INTS14: variants seen among roughly 807,000 people sequenced by gnomAD.
The protein encoded by INTS14 is UPF0464 protein C15orf44.
A neutral mutation model predicts 56.9 loss-of-function variants in INTS14; 27 were observed. The ratio of observed to expected loss-of-function variants is 0.47; its 90% confidence interval spans 0.35 to 0.65. The LOEUF is 0.65. INTS14 is among the 30% of genes least tolerant of loss of function. The pLI is 0.00. For synonymous variants in INTS14, 207 were observed against 236.2 expected, an observed-to-expected ratio of 0.88 and a Z score of 1.13; for missense variants, 517 against 632.2, an observed-to-expected ratio of 0.82 and a Z score of 1.95.
At chr15:65,595,900 C>A in intron 6 of INTS14, 75 bp from the exon 7 acceptor site, 1 of 1,156,988 alleles carries the variant, frequency 8.6e-7, no homozygotes, top group Non-Finnish European at 1.2e-6. Flanking sequence ...TTACATTTCA[C>A]AAATGCACTG....
At chr15:65,598,648 G>C in intron 5 of INTS14, 185 bp from the exon 6 acceptor site, 1 of 772,718 alleles carries the variant, frequency 1.3e-6, no homozygotes, top group Non-Finnish European at 2.0e-6. Context: ...CCAAGAGCAA[G>C]TTAATTTGAA....
Position 65,611,119 on chromosome 15 carries a change from A to C in INTS14, c.-84T>G. 1 of 1,535,094 alleles carries C rather than the reference A, an allele frequency of 6.5e-7. No individual in the cohort carries two copies. The highest frequency in any genetic ancestry group is 2.0e-5 in the Admixed American group (1 of 50,974). ...TCACCCCGTGCCCATCGCCGGACAC[A>C]GTCCGTCGGCATAAACTTTCCGTCG... On this transcript the variant is annotated 5_prime_UTR_variant, in exon 1 of 12. Coordinates refer to ENST00000313182, the MANE Select transcript of INTS14 (RefSeq NM_001394796.1).
intron 3 of INTS14, among the ~76,000 whole-genome samples, chr15:65,602,165 G>A (rs916074719): frequency 2.0e-5 from 3 of 152,108 alleles, no homozygotes; most frequent in Non-Finnish European, 4.4e-5. Context: ...ATTTGAGCCC[G>A]GAGGCAGAGG....
chr15:65,596,409 AAAC>A (rs2141289964), intron 6 of INTS14, among the ~76,000 whole-genome samples: 1 of 152,248 alleles, frequency 6.6e-6, no homozygotes, highest in South Asian at 2.1e-4. Flanking sequence ...AAAAACTTAA[AAAC>A]AATAAAAATT....
chr15:65,607,817 G>C (rs111308290), intron 1 of INTS14, among the ~76,000 whole-genome samples: 1 of 152,184 alleles, frequency 6.6e-6, no homozygotes, highest in Non-Finnish European at 1.5e-5. Flanking sequence ...GGTGCTATTT[G>C]ACAAACAACC....
intron 8 of INTS14, among the ~76,000 whole-genome samples, chr15:65,592,433 G>A (rs1182378979): frequency 2.0e-5 from 3 of 152,190 alleles, no homozygotes; most frequent in Non-Finnish European, 4.4e-5. Flanking sequence ...AGATGGTTTT[G>A]CAGATTTTGA....
intron 2 of INTS14, 99 bp downstream of exon 2, chr15:65,607,060 A>T: frequency 7.0e-7 from 1 of 1,424,118 alleles, no homozygotes; most frequent in Non-Finnish European, 9.4e-7. Context: ...TAGACTTATT[A>T]AATAATGCCA....
intron 7 of INTS14, 80 bp downstream of exon 7, chr15:65,595,653 G>T: frequency 8.9e-7 from 1 of 1,127,632 alleles, no homozygotes; most frequent in East Asian, 2.6e-5. Context: ...TCTGCAAAAT[G>T]GGCTATCCTA....
chr15:65,585,959 A>C (rs1229190449), intron 9 of INTS14, among the ~76,000 whole-genome samples: 1 of 152,194 alleles, frequency 6.6e-6, no homozygotes, highest in Non-Finnish European at 1.5e-5. Context: ...TCAATATATA[A>C]ACCTTCTGAG....
At chr15:65,606,252 C>CAAAAAA (rs372473798) in intron 2 of INTS14, among the ~76,000 whole-genome samples, 4,968 of 62,092 alleles carry the variant, frequency 0.08, 119 homozygotes, top group African/African-American at 0.089. Context: ...GACTCCGTCT[C>CAAAAAA]AAAAAAAAAA....
Position 65,607,487 on chromosome 15 carries a change from A to C in INTS14, c.-62-45T>G. The C allele has an allele frequency of 7.9e-6, 12 of 1,518,726 alleles. No individual in the cohort carries two copies. In the Middle Eastern group the frequency reaches 6.9e-4, roughly 87 times the overall value. 94.1% of individuals were successfully genotyped at this position (1,518,726 alleles called of 1,614,324 possible). A position where few individuals can be genotyped will look rare whatever the true frequency, so the allele number is the denominator to read the frequency against. On this transcript the variant is annotated intron_variant, in intron 1 of 11. Coordinates refer to ENST00000313182, the MANE Select transcript of INTS14 (RefSeq NM_001394796.1). The stretch of plus-strand genomic sequence containing the variant: ...TCTTACATGTCATGGAGAGAAAATA[A>C]TATTTTTCACCATAACTTTAACTAA...
At chr15:65,604,545 A>G (rs2073570767) in intron 3 of INTS14, among the ~76,000 whole-genome samples, 1 of 152,022 alleles carries the variant, frequency 6.6e-6, no homozygotes. Flanking sequence ...CCTGGGCAAT[A>G]TGGCAAAACC....
Position 65,599,874 on chromosome 15 carries a change from G to A in INTS14, c.386C>T (p.Ser129Phe). Residue 129 changes from serine (S) to phenylalanine (F), a missense_variant, in exon 4 of 12, where the codon TCC becomes TTC. Coordinates refer to ENST00000313182, the MANE Select transcript of INTS14 (RefSeq NM_001394796.1). ...ACTTCGTTGATTTTGAGTGGCTAGGGAATGTCGCAGTGACCCTCTACCAAT... is the reference window on the plus strand; with the variant it reads ...ACTTCGTTGATTTTGAGTGGCTAGGAAATGTCGCAGTGACCCTCTACCAAT... The part of the protein sequence containing the change: ...LGIGRGSLRH[S>F]LATQNQRSES... 1 of 1,614,210 alleles carries A rather than the reference G, an allele frequency of 6.2e-7. No individual in the cohort carries two copies. Among genetic ancestry groups the A allele is most frequent in the East Asian group, 2.2e-5 (1 of 44,894 alleles).
intron 1 of INTS14, among the ~76,000 whole-genome samples, chr15:65,610,116 T>C (rs2073835816): frequency 6.6e-6 from 1 of 150,752 alleles, no homozygotes. Context: ...TCCCAGCACT[T>C]TGGGAGGCTG....
At chr15:65,590,785 G>T (rs1293561806) in intron 9 of INTS14, among the ~76,000 whole-genome samples, 1 of 152,144 alleles carries the variant, frequency 6.6e-6, no homozygotes, top group East Asian at 1.9e-4. Flanking sequence ...AGGTTGCTTG[G>T]TAGATGTTCC....
intron 9 of INTS14, among the ~76,000 whole-genome samples, chr15:65,585,816 C>T (rs2141256588): frequency 6.6e-6 from 1 of 152,332 alleles, no homozygotes; most frequent in South Asian, 2.1e-4. Flanking sequence ...GCCAGACATT[C>T]TCTATCCCTG....
chr15:65,607,133 A>T, intron 2 of INTS14, 26 bp downstream of exon 2: 1 of 1,610,792 alleles, frequency 6.2e-7, no homozygotes, highest in African/African-American at 1.3e-5. Context: ...GGCCCTGTAC[A>T]TACAATAACT....
rs771024483 is a variant in INTS14 at position 65,598,939 on chromosome 15, T to C, written c.538A>G (p.Asn180Asp). 3 of 1,614,026 alleles carry C rather than the reference T, an allele frequency of 1.9e-6. No homozygotes were observed. Among genetic ancestry groups the C allele is most frequent in the Non-Finnish European group, 2.5e-6 (3 of 1,179,960 alleles). ...ECLERLIDLN[N>D]GEGQIFTIDG... ...ATAGTAAAAATCTGCCCTTCACCAT[T>C]GTTTAAATCTATGAGACGTTCAAGG... Residue 180 changes from asparagine (N) to aspartate (D), a missense_variant, in exon 5 of 12, where the codon AAT becomes GAT. Physicochemically the swap from Asn to Asp is conservative, Grantham distance 23 (BLOSUM62 1). Transcript: ENST00000313182.
Position 65,593,411 on chromosome 15 carries a change from T to C in INTS14, c.986+17A>G, listed in dbSNP as rs368635783. 1.9e-6 allele frequency: 3 copies of C among 1,598,792 alleles called. No homozygotes were observed. Among genetic ancestry groups the C allele is most frequent in the Non-Finnish European group, 2.6e-6 (3 of 1,172,844 alleles). The stretch of plus-strand genomic sequence containing the variant: ...ATTTTCCCTTTCATTCAACCAAATG[T>C]AAACAAAGTTTCCTACCCTAATTGA... On this transcript the variant is annotated intron_variant, in intron 8 of 11. Coordinates refer to ENST00000313182, the MANE Select transcript of INTS14 (RefSeq NM_001394796.1).
Sources: allele counts gnomAD v4.1 joint callset (sites outside exome capture counted in the v4.1 genomes callset), GRCh38; gene constraint gnomAD v4.1.1; transcripts MANE v1.5; gene names NCBI Gene and HGNC (gene_info 2026-07-23, HGNC 2026-07-21).